The following CHCHD3 variants were observed in gnomAD, a reference collection of about 807,000 sequenced individuals.
CHCHD3 encodes coiled-coil-helix-coiled-coil-helix domain containing 3.
Under a neutral mutation model 38.2 loss-of-function variants are expected in CHCHD3, and 20 were observed. That is an observed-to-expected ratio of 0.52 (90% CI 0.37 to 0.76). The LOEUF is 0.76. Ranked by LOEUF, CHCHD3 falls within the 30% of genes least tolerant of loss-of-function variation. CHCHD3 has a pLI of 0.00. For missense variants in CHCHD3, 245 were observed against 279.2 expected (o/e 0.88, Z 0.87); for synonymous variants, 82 against 100.0 (o/e 0.82, Z 1.07).
At chr7:133,050,084 T>C (rs1814109049) in intron 2 of CHCHD3, among the ~76,000 whole-genome samples, 1 of 152,104 alleles carries the variant, frequency 6.6e-6, no homozygotes, top group South Asian at 2.1e-4. Flanking sequence ...TGGTGGCTCA[T>C]GCCTGTAATC....
intron 7 of CHCHD3, among the ~76,000 whole-genome samples, chr7:132,792,987 C>T (rs1221573811): frequency 1.3e-5 from 2 of 152,204 alleles, no homozygotes. Context: ...GGAATGGTCC[C>T]AGACGTAATG....
chr7:132,858,445 G>A (rs904009389), intron 5 of CHCHD3, among the ~76,000 whole-genome samples: 1 of 152,124 alleles, frequency 6.6e-6, no homozygotes, highest in African/African-American at 2.4e-5. Context: ...AAAAACAAAA[G>A]TAATGATGCA....
At chr7:132,877,384 T>G (rs562768573) in intron 5 of CHCHD3, among the ~76,000 whole-genome samples, 2 of 152,174 alleles carry the variant, frequency 1.3e-5, no homozygotes, top group African/African-American at 4.8e-5. Context: ...AAAAAAAATA[T>G]CTTGCTTGCT....
intron 4 of CHCHD3, among the ~76,000 whole-genome samples, chr7:132,941,273 C>T (rs1810761076): frequency 6.6e-6 from 1 of 152,142 alleles, no homozygotes; most frequent in African/African-American, 2.4e-5. Flanking sequence ...TGATATCTTA[C>T]AGCTTCATGA....
At chr7:132,790,336 C>T (rs1162455314) in intron 7 of CHCHD3, among the ~76,000 whole-genome samples, 1 of 151,994 alleles carries the variant, frequency 6.6e-6, no homozygotes, top group African/African-American at 2.4e-5. Flanking sequence ...AAAAGAAATA[C>T]CTATTAAGAA....
At chr7:132,929,341 G>T (rs1810462308) in intron 4 of CHCHD3, among the ~76,000 whole-genome samples, 1 of 151,938 alleles carries the variant, frequency 6.6e-6, no homozygotes, top group African/African-American at 2.4e-5. Flanking sequence ...GAACACTCAT[G>T]GTTCATCCTC....
intron 1 of CHCHD3, among the ~76,000 whole-genome samples, chr7:133,074,127 C>A (rs572330137): frequency 6.6e-6 from 1 of 152,340 alleles, no homozygotes; most frequent in African/African-American, 2.4e-5. Flanking sequence ...AGCCTTTCCA[C>A]ATTCACCTTT....
At chr7:132,864,283 C>G (rs1266870617) in intron 5 of CHCHD3, among the ~76,000 whole-genome samples, 1 of 152,118 alleles carries the variant, frequency 6.6e-6, no homozygotes, top group East Asian at 1.9e-4. Flanking sequence ...ATAAGGAGGC[C>G]TCTCAGGGGA....
intron 4 of CHCHD3, among the ~76,000 whole-genome samples, chr7:132,909,617 G>A (rs1809891369): frequency 6.6e-6 from 1 of 152,188 alleles, no homozygotes; most frequent in Non-Finnish European, 1.5e-5. Flanking sequence ...AACAAATCTT[G>A]CCAAAATTAT....
At chr7:133,059,444 T>G (rs1375560068) in intron 2 of CHCHD3, among the ~76,000 whole-genome samples, 6 of 152,162 alleles carry the variant, frequency 3.9e-5, no homozygotes, top group Admixed American at 3.3e-4. Context: ...TAGCAGGAAC[T>G]GAGAGCGGGA....
chr7:133,021,985 G>A (rs182513053), intron 3 of CHCHD3, among the ~76,000 whole-genome samples: 3 of 152,190 alleles, frequency 2.0e-5, no homozygotes, highest in East Asian at 3.9e-4. Flanking sequence ...TACTCGGGAG[G>A]CTGAGGCAGG....
chr7:133,074,409 A>G (rs1247335866), intron 1 of CHCHD3, among the ~76,000 whole-genome samples: 1 of 152,234 alleles, frequency 6.6e-6, no homozygotes, highest in Non-Finnish European at 1.5e-5. Context: ...AAAATGCCAG[A>G]GCCAGCTGCA....
chr7:133,066,341 G>A (rs1192753731), intron 2 of CHCHD3, among the ~76,000 whole-genome samples: 12 of 150,834 alleles, frequency 8.0e-5, no homozygotes, highest in Admixed American at 4.0e-4. Flanking sequence ...TGCAACTTCC[G>A]CCTCCCAGGT....
At chr7:132,858,696 T>C (rs1186004303) in intron 5 of CHCHD3, among the ~76,000 whole-genome samples, 1 of 152,212 alleles carries the variant, frequency 6.6e-6, no homozygotes, top group Non-Finnish European at 1.5e-5. Flanking sequence ...TTTAATATTG[T>C]TTAGAATATT....
At chr7:133,025,038 T>G (rs1391411991) in intron 2 of CHCHD3, among the ~76,000 whole-genome samples, 1 of 152,226 alleles carries the variant, frequency 6.6e-6, no homozygotes, top group East Asian at 1.9e-4. Context: ...TTTCAATAAT[T>G]AAACAACTAA....
chr7:133,074,952 T>C (rs1429795393), intron 1 of CHCHD3, among the ~76,000 whole-genome samples: 1 of 152,206 alleles, frequency 6.6e-6, no homozygotes, highest in Non-Finnish European at 1.5e-5. Context: ...TCATTTTGGT[T>C]CATTTTTATC....
At chr7:132,944,236 G>A (rs1810841521) in intron 4 of CHCHD3, among the ~76,000 whole-genome samples, 1 of 151,712 alleles carries the variant, frequency 6.6e-6, no homozygotes, top group African/African-American at 2.4e-5. Flanking sequence ...TACAACTGCT[G>A]GCAACCCAAA....
At chr7:133,081,462 G>A (rs1300827140) in intron 1 of CHCHD3, among the ~76,000 whole-genome samples, 1 of 152,162 alleles carries the variant, frequency 6.6e-6, no homozygotes, top group Non-Finnish European at 1.5e-5. Context: ...TTCACCCTGG[G>A]AGACAGGGTG....
At chr7:132,907,338 G>A (rs1809824322) in intron 4 of CHCHD3, among the ~76,000 whole-genome samples, 1 of 152,126 alleles carries the variant, frequency 6.6e-6, no homozygotes. Flanking sequence ...TTGGGGTAGA[G>A]GGCAGTGCAC....
Sources: allele counts gnomAD v4.1 joint callset (sites outside exome capture counted in the v4.1 genomes callset), GRCh38; gene constraint gnomAD v4.1.1; transcripts MANE v1.5; gene names NCBI Gene and HGNC (gene_info 2026-07-23, HGNC 2026-07-21).